The following SND1 variants were observed in gnomAD, a reference collection of about 807,000 sequenced individuals.
The protein encoded by SND1 is staphylococcal nuclease domain-containing protein 1.
SND1 carries 38 observed loss-of-function variants against 121.7 expected under a neutral mutation model. That is an observed-to-expected ratio of 0.31 (90% CI 0.24 to 0.41). SND1 has a LOEUF of 0.41. SND1 is among the 10% of genes least tolerant of loss of function. The pLI, the probability that SND1 is intolerant of heterozygous loss-of-function variation, is 1.00. For missense variants in SND1, 868 were observed against 1,184.6 expected (o/e 0.73, Z 3.92); for synonymous variants, 401 against 447.4 (o/e 0.90, Z 1.31).
chr7:127,810,762 A>G (rs1374189820), intron 11 of SND1, among the ~76,000 whole-genome samples: 2 of 152,232 alleles, frequency 1.3e-5, no homozygotes, highest in African/African-American at 2.4e-5. Context: ...CCCTCCAGCT[A>G]TCTTATAAAA....
intron 16 of SND1, among the ~76,000 whole-genome samples, chr7:128,044,281 A>C (rs1445578043): frequency 2.0e-5 from 3 of 152,224 alleles, no homozygotes; most frequent in Non-Finnish European, 4.4e-5. Flanking sequence ...GGAGCTTTGC[A>C]GCCCTGACTT....
chr7:127,662,714 A>G (rs1246297367), intron 1 of SND1, among the ~76,000 whole-genome samples: 1 of 152,060 alleles, frequency 6.6e-6, no homozygotes, highest in Non-Finnish European at 1.5e-5. Context: ...CCTGAAAGCC[A>G]CTTTGCCTTT....
Position 127,694,918 on chromosome 7 carries a change from C to T in SND1, c.319C>T (p.Arg107Ter). ...GATAGAAAACAAGACTCCCCAGGGG[C>T]GAGAGTATGGCATGATCTACCTTGG... is the stretch of plus-strand genomic sequence containing the variant. ...FTIENKTPQG[R>*]EYGMIYLGKD... is the part of the protein sequence containing the mutation. Residue 107 changes from arginine to a stop codon, truncating the protein, a stop_gained, in exon 3 of 24, where the codon CGA becomes TGA. Transcript: ENST00000354725. LOFTEE classifies it high-confidence loss of function. 2 of 1,613,470 alleles carry T rather than the reference C, an allele frequency of 1.2e-6. No homozygotes were observed. Among genetic ancestry groups the T allele is most frequent in the Non-Finnish European group, 1.7e-6 (2 of 1,179,646 alleles).
chr7:128,031,512 TTCTCC>T (rs1163581873), intron 16 of SND1: 2 of 151,022 alleles, frequency 1.3e-5, no homozygotes, highest in African/African-American at 4.9e-5. Flanking sequence ...CACACCCCCT[TTCTCC>T]TCGCCTCTTC....
chr7:127,663,461 T>A (rs1039500746), intron 1 of SND1, among the ~76,000 whole-genome samples: 44 of 151,776 alleles, frequency 2.9e-4, no homozygotes, highest in African/African-American at 1.0e-3. Context: ...AACCTCCACC[T>A]CTCGGGTTCA....
chr7:127,758,500 CAG>C (rs200519675), intron 10 of SND1, among the ~76,000 whole-genome samples: 42,887 of 151,924 alleles, frequency 0.28, 7,515 homozygotes, highest in East Asian at 0.66. Context: ...AATAGTATAT[CAG>C]GGGATTTTTG....
At chr7:127,764,050 A>AC (rs1352018965) in intron 10 of SND1, among the ~76,000 whole-genome samples, 2 of 145,422 alleles carry the variant, frequency 1.4e-5, no homozygotes, top group African/African-American at 5.0e-5. Flanking sequence ...AAAAAAAAAA[A>AC]AACAAAAAAA....
intron 16 of SND1, among the ~76,000 whole-genome samples, chr7:128,036,402 C>T (rs530093932): frequency 6.6e-6 from 1 of 152,186 alleles, no homozygotes; most frequent in Non-Finnish European, 1.5e-5. Flanking sequence ...ATTCCTGGAG[C>T]CTGATGATTC....
At chr7:127,957,450 A>G (rs899100943) in intron 15 of SND1, among the ~76,000 whole-genome samples, 2 of 152,128 alleles carry the variant, frequency 1.3e-5, no homozygotes, top group Non-Finnish European at 1.5e-5. Context: ...CTGCCATCCT[A>G]TTGATTCAAA....
At chr7:127,776,044 A>G (rs1219819261) in intron 10 of SND1, among the ~76,000 whole-genome samples, 5 of 152,236 alleles carry the variant, frequency 3.3e-5, no homozygotes, top group African/African-American at 2.4e-5. Context: ...TTTAGAGATG[A>G]TTAAACTTCT....
At chr7:127,704,798 A>G in intron 7 of SND1, 41 bp from the exon 8 acceptor site, 2 of 1,467,064 alleles carry the variant, frequency 1.4e-6, no homozygotes. Context: ...TTTACAACAG[A>G]GTCTAATCCG....
chr7:127,824,487 T>C (rs1385010226), intron 11 of SND1, among the ~76,000 whole-genome samples: 1 of 152,232 alleles, frequency 6.6e-6, no homozygotes, highest in East Asian at 1.9e-4. Flanking sequence ...TCTTGATAAG[T>C]TGTTTATTCT....
At chr7:127,723,539 GGAAGAGTTTACTGAA>G (rs1796532320) in intron 10 of SND1, among the ~76,000 whole-genome samples, 1 of 152,140 alleles carries the variant, frequency 6.6e-6, no homozygotes, top group African/African-American at 2.4e-5. Context: ...AAAGTCCTTT[GGAAGAGTTTACTGAA>G]GGGCCACGTA....
chr7:127,828,140 G>T (rs1798676330), intron 11 of SND1, among the ~76,000 whole-genome samples: 1 of 151,966 alleles, frequency 6.6e-6, no homozygotes, highest in Admixed American at 6.6e-5. Flanking sequence ...GGGATTACAG[G>T]CGCCCACCAC....
At chr7:128,005,440 C>A (rs1381691496) in intron 16 of SND1, among the ~76,000 whole-genome samples, 1 of 152,234 alleles carries the variant, frequency 6.6e-6, no homozygotes, top group Non-Finnish European at 1.5e-5. Context: ...CTTTCACCCG[C>A]CCCCTTGTGT....
intron 16 of SND1, among the ~76,000 whole-genome samples, chr7:128,065,833 G>A (rs1168236897): frequency 2.0e-5 from 3 of 152,228 alleles, no homozygotes; most frequent in African/African-American, 7.2e-5. Context: ...GGAACATGAG[G>A]AGGAGCTGTG....
intron 15 of SND1, among the ~76,000 whole-genome samples, chr7:127,936,124 C>T (rs574393802): frequency 2.0e-5 from 3 of 152,304 alleles, no homozygotes; most frequent in African/African-American, 4.8e-5. Context: ...GCCTCCTGAA[C>T]GCTCTTGCCC....
intron 10 of SND1, among the ~76,000 whole-genome samples, chr7:127,805,195 A>G (rs1443136475): frequency 1.3e-5 from 2 of 152,100 alleles, no homozygotes; most frequent in Non-Finnish European, 2.9e-5. Flanking sequence ...GGCAATTTCT[A>G]TGCATCCCAT....
At chr7:127,770,367 G>A (rs1797492819) in intron 10 of SND1, among the ~76,000 whole-genome samples, 1 of 152,220 alleles carries the variant, frequency 6.6e-6, no homozygotes, top group Admixed American at 6.5e-5. Context: ...AAGGATGAAA[G>A]AAATTTGAGG....
Sources: gnomAD v4.1 joint callset for allele counts (sites outside exome capture counted in the v4.1 genomes callset) on GRCh38, gnomAD v4.1.1 for gene constraint, MANE v1.5 for transcripts, NCBI Gene and HGNC (gene_info 2026-07-23, HGNC 2026-07-21) for gene names.